ABCD3: variants seen among roughly 807,000 people sequenced by gnomAD.
The protein encoded by ABCD3 is ATP binding cassette subfamily D member 3.
A neutral mutation model predicts 105.5 loss-of-function variants in ABCD3; 41 were observed. The observed-to-expected ratio is 0.39, with a 90% CI of 0.30 to 0.50. The LOEUF is 0.50. Ranked by LOEUF, ABCD3 falls within the 20% of genes least tolerant of loss-of-function variation. The pLI is 0.84. For missense variants in ABCD3, 622 were observed against 806.3 expected (o/e 0.77, Z 2.77); for synonymous variants, 258 against 269.0 (o/e 0.96, Z 0.40).
chr1:94,427,952 A>G (rs72727485), intron 1 of ABCD3, among the ~76,000 whole-genome samples: 6,353 of 152,308 alleles, frequency 0.042, 188 homozygotes, highest in South Asian at 0.12. Context: ...ATAGCCTTCT[A>G]TAAAGTTAAG....
intron 21 of ABCD3, chr1:94,513,892 T>C (rs1650803223): frequency 6.6e-6 from 1 of 152,054 alleles, no homozygotes; most frequent in South Asian, 2.1e-4. Context: ...AATATGCTTA[T>C]TTTATTATGC....
At chr1:94,491,788 A>C (rs1197924005) in intron 16 of ABCD3, among the ~76,000 whole-genome samples, 1 of 152,156 alleles carries the variant, frequency 6.6e-6, no homozygotes, top group African/African-American at 2.4e-5. Flanking sequence ...TGGCAGACCA[A>C]ATTAAAAAGA....
chr1:94,508,094 A>G (rs890679336), intron 21 of ABCD3, among the ~76,000 whole-genome samples: 3 of 151,702 alleles, frequency 2.0e-5, no homozygotes, highest in Admixed American at 6.6e-5. Context: ...GGTAATGCCT[A>G]GGTTTTCTCC....
At position 94,475,741 on chromosome 1, in the gene ABCD3, A is replaced by G. The variant is rs765647309; in HGVS notation, c.627+4A>G. On this transcript the variant is annotated splice_donor_region_variant and intron_variant, in intron 7 of 22. Transcript: ENST00000370214. The stretch of plus-strand genomic sequence containing the variant: ...TCTGTATTCAAATCTTAGTAAGGTA[A>G]GTTTCTCTCCTTTTTAAAAGATTAT... The G allele has an allele frequency of 5.6e-6, 9 of 1,598,382 alleles. No individual in the cohort carries two copies. The East Asian group carries it at 1.3e-4, about 24-fold the overall frequency.
chr1:94,400,801 C>T, the ABCD3 span, among the ~76,000 whole-genome samples: 9 of 152,208 alleles, frequency 5.9e-5, no homozygotes, highest in Non-Finnish European at 1.0e-4. Context: ...TTCTGAGCTG[C>T]TATGGTTTGA....
chr1:94,436,208 T>C (rs1168218461), intron 1 of ABCD3, among the ~76,000 whole-genome samples: 1 of 152,218 alleles, frequency 6.6e-6, no homozygotes, highest in Non-Finnish European at 1.5e-5. Context: ...ATATGCATAC[T>C]GACACTTCCA....
intron 4 of ABCD3, among the ~76,000 whole-genome samples, chr1:94,473,443 A>AC (rs1180509357): frequency 2.0e-5 from 3 of 152,160 alleles, no homozygotes; most frequent in Non-Finnish European, 4.4e-5. Flanking sequence ...CTGGGACTAT[A>AC]AAGTTGTTAA....
chr1:94,468,116 C>A, intron 4 of ABCD3, 109 bp downstream of exon 4: 1 of 839,806 alleles, frequency 1.2e-6, no homozygotes, highest in Non-Finnish European at 2.0e-6. Flanking sequence ...TAAAAGATAA[C>A]CCAAGTCAAA....
chr1:94,463,623 G>C (rs1415332173), intron 2 of ABCD3, among the ~76,000 whole-genome samples: 1 of 152,146 alleles, frequency 6.6e-6, no homozygotes, highest in Non-Finnish European at 1.5e-5. Flanking sequence ...GGAGTGTCTT[G>C]CCTTTTCCAA....
intron 15 of ABCD3, 37 bp downstream of exon 15, chr1:94,490,012 T>G (rs1467145980): frequency 1.3e-6 from 2 of 1,532,190 alleles, no homozygotes; most frequent in Admixed American, 3.3e-5. Context: ...ACCATAAATG[T>G]TTGTTAAACT....
chr1:94,513,561 GAC>G (rs946554282), intron 21 of ABCD3: 19 of 152,106 alleles, frequency 1.2e-4, no homozygotes, highest in South Asian at 1.2e-3. Flanking sequence ...ATTAAATACA[GAC>G]AAAACTTAAA....
chr1:94,517,170 C>T lies in ABCD3; in HGVS notation c.*41C>T, dbSNP rs752889080. On this transcript the variant is annotated 3_prime_UTR_variant, in exon 23 of 23. Transcript: ENST00000370214. ...TATACCTGCTTCAGTGAAATAATTA[C>T]AGAATATACTTAGAAAGGCAAAGTA... 12 of 1,428,674 alleles carry T rather than the reference C, an allele frequency of 8.4e-6. No individual in the cohort carries two copies. The highest frequency in any genetic ancestry group is 1.2e-5 in the Non-Finnish European group (12 of 1,013,544). 88.5% of individuals were successfully genotyped at this position (1,428,674 alleles called of 1,614,324 possible).
intron 21 of ABCD3, chr1:94,514,903 GT>G (rs34993122): frequency 6.3e-6 from 3 of 477,652 alleles, no homozygotes; most frequent in East Asian, 3.5e-5. Flanking sequence ...TAGGAGATAT[GT>G]TTTTTGCCCA....
At chr1:94,399,726 AC>A in the ABCD3 span, among the ~76,000 whole-genome samples, 1 of 152,210 alleles carries the variant, frequency 6.6e-6, no homozygotes, top group Non-Finnish European at 1.5e-5. Flanking sequence ...AAAAAACAAA[AC>A]AAAACACAAA....
chr1:94,440,090 T>C (rs1660077538), intron 1 of ABCD3, among the ~76,000 whole-genome samples: 1 of 152,250 alleles, frequency 6.6e-6, no homozygotes. Flanking sequence ...ATAGTTTTTA[T>C]ATCTTGTAGG....
chr1:94,505,620 T>C (rs1182156500), intron 20 of ABCD3, among the ~76,000 whole-genome samples: 1 of 152,126 alleles, frequency 6.6e-6, no homozygotes, highest in Non-Finnish European at 1.5e-5. Flanking sequence ...ATGAGATCAC[T>C]GACAGAATAC....
intron 4 of ABCD3, among the ~76,000 whole-genome samples, chr1:94,468,541 G>A (rs925927716): frequency 2.6e-5 from 4 of 152,142 alleles, no homozygotes; most frequent in East Asian, 1.9e-4. Context: ...ATGTAAAAAC[G>A]TAAAAAATGT....
chr1:94,506,749 T>A, intron 21 of ABCD3, 107 bp downstream of exon 21: 1 of 745,774 alleles, frequency 1.3e-6, no homozygotes, highest in Non-Finnish European at 2.3e-6. Flanking sequence ...TAACAAAATT[T>A]CTACCAAAAG....
chr1:94,412,483 T>C, the ABCD3 span, among the ~76,000 whole-genome samples: 18 of 152,336 alleles, frequency 1.2e-4, no homozygotes, highest in East Asian at 3.3e-3. Context: ...GCTTCATTCT[T>C]TTAATGAGTG....
Sources: allele counts gnomAD v4.1 joint callset (sites outside exome capture counted in the v4.1 genomes callset), GRCh38; gene constraint gnomAD v4.1.1; transcripts MANE v1.5; gene names NCBI Gene and HGNC (gene_info 2026-07-23, HGNC 2026-07-21).